RALYL: variants seen among roughly 807,000 people sequenced by gnomAD.
RALYL encodes the protein RALY RNA binding protein like.
In RALYL, 29 loss-of-function variants were observed where a neutral mutation model predicts 35.1. The ratio of observed to expected loss-of-function variants is 0.83; its 90% CI spans 0.61 to 1.13. The LOEUF is 1.13. Among genes scored for constraint, RALYL ranks in the 50% most tolerant of loss-of-function variants. The pLI is 0.00. For missense variants in RALYL, 359 were observed against 360.4 expected, an observed-to-expected ratio of 1.00 and a Z score of 0.03; for synonymous variants, 120 against 127.6, an observed-to-expected ratio of 0.94 and a Z score of 0.40.
intron 2 of RALYL, among the ~76,000 whole-genome samples, chr8:84,625,987 A>C (rs1735504207): frequency 6.6e-6 from 1 of 152,176 alleles, no homozygotes; most frequent in Non-Finnish European, 1.5e-5. Context: ...ATTCAGAGAC[A>C]GGGGCACTTA....
intron 1 of RALYL, among the ~76,000 whole-genome samples, chr8:84,296,447 T>C (rs1310926705): frequency 2.0e-5 from 3 of 152,010 alleles, no homozygotes; most frequent in South Asian, 2.1e-4. Flanking sequence ...GTCTGTGACA[T>C]CTTACCCTGT....
intron 1 of RALYL, among the ~76,000 whole-genome samples, chr8:84,243,981 TCTTA>T (rs1828551552): frequency 6.6e-6 from 1 of 152,182 alleles, no homozygotes; most frequent in Admixed American, 6.6e-5. Context: ...AATATAGGTT[TCTTA>T]CTTGTTCTTG....
chr8:84,703,828 CA>C (rs1364468378), intron 2 of RALYL, among the ~76,000 whole-genome samples: 2 of 152,108 alleles, frequency 1.3e-5, no homozygotes, highest in Non-Finnish European at 2.9e-5. Flanking sequence ...AAGAAATCAG[CA>C]AATAGCTTTT....
chr8:84,500,593 T>C (rs1006565979), intron 1 of RALYL, among the ~76,000 whole-genome samples: 1 of 152,180 alleles, frequency 6.6e-6, no homozygotes, highest in Non-Finnish European at 1.5e-5. Context: ...TGGAAGTTAA[T>C]ATGAATATTT....
In RALYL at chr8:84,192,907, G is replaced by C. The variant is rs995727046; in HGVS notation, c.-24+8483G>C. On this transcript the variant is annotated intron_variant, in intron 1 of 8. Coordinates refer to ENST00000521268, the MANE Select transcript of RALYL (RefSeq NM_173848.7). The stretch of plus-strand genomic sequence containing the variant: ...AGGGAGTGTGTGTGTGTGTGTGTGT[G>C]GGGGGGGGGGTTGTGTACGTGTATA... Among the ~76,000 whole-genome samples the C allele has an allele frequency of 4.3e-5, 4 of 92,866 alleles. 1 individual carries two copies. The highest frequency in any genetic ancestry group is 2.1e-4 in the Admixed American group (2 of 9,422). The allele number at this position is 92,866 out of a possible 152,430, so 60.9% of individuals were successfully genotyped here. A position where few individuals can be genotyped will look rare whatever the true frequency, so the allele number is the denominator to read the frequency against.
chr8:84,237,335 C>A (rs1826815445), intron 1 of RALYL, among the ~76,000 whole-genome samples: 1 of 151,998 alleles, frequency 6.6e-6, no homozygotes, highest in South Asian at 2.1e-4. Flanking sequence ...ACTAGAGAAT[C>A]CTAAGGAAGA....
chr8:84,669,491 C>CA lies in RALYL; in HGVS notation c.257-105088_257-105087insA, dbSNP rs200894804. On this transcript the variant is annotated intron_variant, in intron 2 of 8. Coordinates refer to ENST00000521268, the MANE Select transcript of RALYL (RefSeq NM_173848.7). Reference sequence around the variant, plus strand: ...CCACATCTTCTCCCTCCCCCCTCCCCCCCCCCCCACTCTATTAGTTCACAG... The same window carrying CA: ...CCACATCTTCTCCCTCCCCCCTCCCCACCCCCCCCACTCTATTAGTTCACAG... Among the ~76,000 whole-genome samples the CA allele has an allele frequency of 9.7e-4, 41 of 42,092 alleles. 1 individual carries two copies. The East Asian group carries it at 0.027, about 28-fold the overall frequency. 27.6% of individuals were successfully genotyped at this position (42,092 alleles called of 152,430 possible).
At chr8:84,308,115 A>G (rs769600162) in intron 1 of RALYL, among the ~76,000 whole-genome samples, 8 of 152,120 alleles carry the variant, frequency 5.3e-5, no homozygotes, top group Non-Finnish European at 1.0e-4. Context: ...AAAATTAGGA[A>G]CATAAAGGCT....
At chr8:84,781,763 A>T (rs941540622) in intron 3 of RALYL, among the ~76,000 whole-genome samples, 1 of 152,214 alleles carries the variant, frequency 6.6e-6, no homozygotes, top group Non-Finnish European at 1.5e-5. Context: ...TACTAATAAA[A>T]CTTATGCAGT....
intron 8 of RALYL, among the ~76,000 whole-genome samples, chr8:84,905,298 A>G (rs780854322): frequency 2.6e-5 from 4 of 152,192 alleles, no homozygotes; most frequent in Non-Finnish European, 4.4e-5. Context: ...GAATGTATAT[A>G]CCACACTTTA....
intron 1 of RALYL, among the ~76,000 whole-genome samples, chr8:84,510,213 T>G (rs1446609047): frequency 1.3e-5 from 2 of 152,192 alleles, no homozygotes; most frequent in East Asian, 3.8e-4. Context: ...GTATACATAT[T>G]TTGTTCGATT....
chr8:84,319,466 C>A (rs1475742072), intron 1 of RALYL, among the ~76,000 whole-genome samples: 2 of 152,030 alleles, frequency 1.3e-5, no homozygotes, highest in East Asian at 1.9e-4. Flanking sequence ...AATTTCATAA[C>A]CTTCTCTCCT....
At chr8:84,345,991 A>G (rs1475925059) in intron 1 of RALYL, 2 of 709,154 alleles carry the variant, frequency 2.8e-6, no homozygotes, top group East Asian at 1.3e-4. Flanking sequence ...TCGTTGATTT[A>G]CCTCCTTGGG....
intron 1 of RALYL, among the ~76,000 whole-genome samples, chr8:84,276,893 A>G (rs563556588): frequency 6.6e-6 from 1 of 152,362 alleles, no homozygotes; most frequent in Admixed American, 6.5e-5. Context: ...TTACAATTTT[A>G]TGTGAAAACA....
At chr8:84,659,886 A>C (rs994975777) in intron 2 of RALYL, among the ~76,000 whole-genome samples, 2 of 152,180 alleles carry the variant, frequency 1.3e-5, no homozygotes, top group African/African-American at 4.8e-5. Flanking sequence ...AGGAGTGAAA[A>C]AGAGTAGGAT....
At chr8:84,635,078 C>T (rs1158838920) in intron 2 of RALYL, among the ~76,000 whole-genome samples, 1 of 151,716 alleles carries the variant, frequency 6.6e-6, no homozygotes, top group Non-Finnish European at 1.5e-5. Flanking sequence ...ATAAAGTGAA[C>T]GTCCTGATTG....
At chr8:84,303,530 CTTAA>C (rs1195874769) in intron 1 of RALYL, among the ~76,000 whole-genome samples, 1 of 152,084 alleles carries the variant, frequency 6.6e-6, no homozygotes, top group Non-Finnish European at 1.5e-5. Context: ...TTATTGATTA[CTTAA>C]TTAGTTTTCT....
At chr8:84,739,350 A>G (rs1026600788) in intron 2 of RALYL, among the ~76,000 whole-genome samples, 5 of 151,382 alleles carry the variant, frequency 3.3e-5, no homozygotes, top group South Asian at 2.1e-4. Context: ...CTTATAGTTT[A>G]GTATCAAAAA....
At chr8:84,275,741 A>G (rs914077474) in intron 1 of RALYL, among the ~76,000 whole-genome samples, 5 of 152,032 alleles carry the variant, frequency 3.3e-5, no homozygotes, top group African/African-American at 1.2e-4. Context: ...GGTGAGATCA[A>G]CTCTATTAGA....
Sources: gnomAD v4.1 joint callset for allele counts (sites outside exome capture counted in the v4.1 genomes callset) on GRCh38, gnomAD v4.1.1 for gene constraint, MANE v1.5 for transcripts, NCBI Gene and HGNC (gene_info 2026-07-23, HGNC 2026-07-21) for gene names.